GABRP: variants seen among roughly 807,000 people sequenced by gnomAD.
GABRP encodes gamma-aminobutyric acid type A receptor subunit pi.
In GABRP, 52 loss-of-function variants were observed where a neutral mutation model predicts 47.8. The ratio of observed to expected loss-of-function variants is 1.09; its 90% CI spans 0.87 to 1.37. The LOEUF is 1.37. Among genes scored for constraint, GABRP ranks in the 40% most tolerant of loss-of-function variants. The probability of loss-of-function intolerance (pLI) is 0.00; values close to 1 mark genes in which losing one functional copy is unlikely to be tolerated. For synonymous variants in GABRP, 221 were observed against 205.8 expected, an observed-to-expected ratio of 1.07 and a Z score of -0.63; for missense variants, 525 against 542.8, an observed-to-expected ratio of 0.97 and a Z score of 0.33.
rs1251422377 is a variant in GABRP, at chr5:170,808,716, ATC to A, written c.803_804del (p.Leu268ArgfsTer47). On this transcript the variant is annotated frameshift_variant, in exon 8 of 10. Transcript: ENST00000265294. LOFTEE classifies it high-confidence loss of function. ...GGTGTTGTCCTGGGTTTCATTTTGG[ATC>A]TCTCTCGATTCAGTCCCTGCAAGAA... ...LVVLSWVSFW[I>X]SLDSVPARTC... The A allele has an allele frequency of 6.2e-7, 1 of 1,613,954 alleles. No individual in the cohort carries two copies. The highest frequency in any genetic ancestry group is 8.5e-7 in the Non-Finnish European group (1 of 1,180,006).
chr5:170,794,441 G>T (rs543813021), intron 4 of GABRP, 143 bp downstream of exon 4: 1 of 463,816 alleles, frequency 2.2e-6, no homozygotes, highest in South Asian at 5.4e-5. Context: ...AGAAGCTGGA[G>T]TGCTATCTCC....
At chr5:170,807,313 T>C (rs1398319355) in intron 7 of GABRP, among the ~76,000 whole-genome samples, 1 of 152,248 alleles carries the variant, frequency 6.6e-6, no homozygotes, top group Non-Finnish European at 1.5e-5. Flanking sequence ...ATACACTTTA[T>C]TTTTAAAGAC....
intron 9 of GABRP, among the ~76,000 whole-genome samples, chr5:170,811,220 C>T (rs892635458): frequency 6.7e-6 from 1 of 148,298 alleles, no homozygotes; most frequent in Non-Finnish European, 1.5e-5. Context: ...TAATGGTACT[C>T]ATTTCATTGT....
intron 8 of GABRP, 66 bp from the exon 9 acceptor site, chr5:170,809,500 ACT>A (rs748917028): frequency 7.5e-5 from 112 of 1,501,982 alleles, no homozygotes; most frequent in Middle Eastern, 2.3e-4. Flanking sequence ...AAATGGGGAC[ACT>A]CTGCCAGGCT....
intron 6 of GABRP, among the ~76,000 whole-genome samples, chr5:170,804,313 C>T (rs1765672800): frequency 6.6e-6 from 1 of 151,864 alleles, no homozygotes; most frequent in Non-Finnish European, 1.5e-5. Context: ...ATGAGTAGTG[C>T]TGCTATGAAC....
chr5:170,791,423 G>A (rs1027468728), intron 3 of GABRP, among the ~76,000 whole-genome samples: 4 of 152,246 alleles, frequency 2.6e-5, no homozygotes, highest in African/African-American at 9.6e-5. Flanking sequence ...AAGTCCAAAA[G>A]AGACAAGACC....
At chr5:170,803,383 T>TG (rs1391246686) in intron 6 of GABRP, among the ~76,000 whole-genome samples, 4 of 152,232 alleles carry the variant, frequency 2.6e-5, no homozygotes, top group African/African-American at 9.6e-5. Flanking sequence ...TCACTAGCTC[T>TG]GTGACTCTGG....
At position 170,812,160 on chromosome 5, in the gene GABRP, C is replaced by T. The variant is rs1177893963; in HGVS notation, c.1225C>T (p.Gln409Ter). The T allele has an allele frequency of 1.2e-6, 2 of 1,613,896 alleles. No individual in the cohort carries two copies. Among genetic ancestry groups the T allele is most frequent in the African/African-American group, 2.7e-5 (2 of 74,908 alleles). The part of the protein sequence containing the change: ...MGRIVDYFTI[Q>*]NPSNVDHYSK... ...CAGGATTGTTGATTATTTCACAATT[C>T]AAAACCCCAGTAATGTTGATCACTA... is the stretch of plus-strand genomic sequence containing the variant. The change falls in exon 10 of 10, where the codon CAA becomes TAA. Residue 409 changes from glutamine (Q) to a stop codon, truncating the protein, a stop_gained. Transcript: ENST00000265294. LOFTEE classifies it high-confidence loss of function.
At chr5:170,788,505 A>G (rs1765181975) in intron 1 of GABRP, 69 bp from the exon 2 acceptor site, 6 of 1,024,338 alleles carry the variant, frequency 5.9e-6, no homozygotes, top group Non-Finnish European at 9.2e-6. Context: ...CCCACCAGAG[A>G]GAGAGGCTGG....
At chr5:170,783,457 C>T (rs184135480), upstream of GABRP, among the ~76,000 whole-genome samples, 1 of 152,214 alleles carries the variant, frequency 6.6e-6, no homozygotes, top group Admixed American at 6.5e-5. Context: ...GTGGGGGTCA[C>T]CCACTTTATC....
intron 5 of GABRP, among the ~76,000 whole-genome samples, chr5:170,796,939 C>A (rs1581596413): frequency 6.6e-6 from 1 of 152,334 alleles, no homozygotes; most frequent in East Asian, 1.9e-4. Flanking sequence ...GTTAAGCCCC[C>A]AAAGCCACAG....
chr5:170,793,776 A>C (rs1422417175), intron 3 of GABRP, among the ~76,000 whole-genome samples: 1 of 111,948 alleles, frequency 8.9e-6, no homozygotes, highest in African/African-American at 4.8e-5. Context: ...GGAGAAAAAA[A>C]TACAAATTAG....
intron 6 of GABRP, among the ~76,000 whole-genome samples, chr5:170,804,410 T>C (rs1452820200): frequency 5.3e-5 from 8 of 152,212 alleles, no homozygotes; most frequent in African/African-American, 1.7e-4. Flanking sequence ...ATGGTAAATA[T>C]ATATTTAAGT....
At chr5:170,801,611 A>G (rs1212506339) in intron 6 of GABRP, among the ~76,000 whole-genome samples, 2 of 152,068 alleles carry the variant, frequency 1.3e-5, no homozygotes, top group African/African-American at 2.4e-5. Context: ...AGTTTTATAT[A>G]TTGTCCCACT....
chr5:170,792,658 T>A (rs1765307108), intron 3 of GABRP, among the ~76,000 whole-genome samples: 1 of 152,170 alleles, frequency 6.6e-6, no homozygotes, highest in Admixed American at 6.5e-5. Context: ...TTCCAGGGTG[T>A]GCCCTCAAAG....
At chr5:170,807,138 G>A (rs1765757437) in intron 7 of GABRP, among the ~76,000 whole-genome samples, 1 of 151,754 alleles carries the variant, frequency 6.6e-6, no homozygotes, top group Admixed American at 6.6e-5. Context: ...TTGTAGAGAT[G>A]AGGTTACATC....
At position 170,783,769 on chromosome 5, in the gene GABRP, G is replaced by T. The variant is rs1184510661; in HGVS notation, c.-148G>T. ...GCGTGTCCACATACGAGGGGACAGG[G>T]CTGAGGATGAGGAGAACCCTGGGGA... is the stretch of plus-strand genomic sequence containing the variant. On this transcript the variant is annotated 5_prime_UTR_variant, in exon 1 of 10. Transcript: ENST00000265294. 6.6e-6 allele frequency: 1 copy of T among 152,360 alleles called. No individual in the cohort carries two copies. Among genetic ancestry groups the T allele is most frequent in the Non-Finnish European group, 1.5e-5 (1 of 68,176 alleles). The allele number at this position is 152,360 out of a possible 1,614,324, so 9.4% of individuals were successfully genotyped here. A position where few individuals can be genotyped will look rare whatever the true frequency, so the allele number is the denominator to read the frequency against.
At chr5:170,783,184 C>A (rs1031812072), upstream of GABRP, among the ~76,000 whole-genome samples, 1 of 152,174 alleles carries the variant, frequency 6.6e-6, no homozygotes, top group Non-Finnish European at 1.5e-5. Flanking sequence ...GTGCTCTTGG[C>A]CTCTATGAGT....
chr5:170,789,141 G>A lies in GABRP; in HGVS notation c.66G>A (p.Gln22=). ...LSLFTERMCI[Q]GSQFNVEVGR... is the part of the protein sequence containing the mutation. ...ATTTCTTTTCCAGGATGTGCATCCAGGGGAGTCAGTTCAACGTCGAGGTCG... is the reference window on the plus strand; with the variant it reads ...ATTTCTTTTCCAGGATGTGCATCCAAGGGAGTCAGTTCAACGTCGAGGTCG... The change falls in exon 3 of 10, where the codon CAG becomes CAA. Residue 22 remains glutamine (Q), a synonymous_variant. Transcript: ENST00000265294. 4 of 1,613,724 alleles carry A rather than the reference G, an allele frequency of 2.5e-6. No individual in the cohort carries two copies. Among genetic ancestry groups the A allele is most frequent in the Non-Finnish European group, 3.4e-6 (4 of 1,179,622 alleles).
Sources: allele counts gnomAD v4.1 joint callset (sites outside exome capture counted in the v4.1 genomes callset), GRCh38; gene constraint gnomAD v4.1.1; transcripts MANE v1.5; gene names NCBI Gene and HGNC (gene_info 2026-07-23, HGNC 2026-07-21).